Variants in BIRC6 observed in about 807,000 individuals in gnomAD.
The protein encoded by BIRC6 is dual E2 ubiquitin-conjugating enzyme/E3 ubiquitin-protein ligase BIRC6.
In BIRC6, 98 loss-of-function variants were observed where a neutral mutation model predicts 503.3. That is an observed-to-expected ratio of 0.19 (90% CI 0.17 to 0.23). The LOEUF is 0.23. BIRC6 is among the 10% of genes least tolerant of loss of function. BIRC6 has a pLI of 1.00. For missense variants in BIRC6, 5,360 were observed against 5,806.0 expected (o/e 0.92, Z 2.50); for synonymous variants, 2,240 against 2,078.7 (o/e 1.08, Z -2.11).
At chr2:32,544,454 T>G (rs1292487869) in intron 62 of BIRC6, among the ~76,000 whole-genome samples, 5 of 151,282 alleles carry the variant, frequency 3.3e-5, no homozygotes, top group Admixed American at 3.3e-4. Context: ...AGATTTTCAT[T>G]TGGGTGACGT....
chr2:32,489,428 A>ATAT (rs554993861), intron 42 of BIRC6, among the ~76,000 whole-genome samples: 1 of 151,744 alleles, frequency 6.6e-6, no homozygotes, highest in East Asian at 1.9e-4. Context: ...CTCTTCAACT[A>ATAT]TATTATTATT....
rs763313052 is a variant in BIRC6 at position 32,435,570 on chromosome 2, G to A, written c.3484G>A (p.Val1162Ile). ...GAATGAAGAAATGCAGCACATGGAT[G>A]TAGAGGAATCACAGTGTGAGTTAAA... is the stretch of plus-strand genomic sequence containing the variant. Reference protein sequence around the residue: ...DLNEEMQHMDVEESQCLRLCP... With the variant: ...DLNEEMQHMDIEESQCLRLCP... The change falls in exon 14 of 74, where the codon GTA (valine) becomes ATA (isoleucine). Residue 1162 changes from valine to isoleucine, a missense_variant. Physicochemically the swap from Val to Ile is conservative, Grantham distance 29 (BLOSUM62 3). Transcript: ENST00000421745. 7 of 1,553,560 alleles carry A rather than the reference G, an allele frequency of 4.5e-6. 1 individual carries two copies. In the South Asian group the frequency reaches 5.9e-5, roughly 13 times the overall value.
chr2:32,405,464 A>G (rs2041094328), intron 8 of BIRC6, among the ~76,000 whole-genome samples: 1 of 152,198 alleles, frequency 6.6e-6, no homozygotes, highest in Non-Finnish European at 1.5e-5. Context: ...GAGTGCAGTA[A>G]TATCCTTAAG....
At chr2:32,400,336 CTTTTTTTTTTTT>C (rs746431747) in intron 6 of BIRC6, among the ~76,000 whole-genome samples, 1 of 118,320 alleles carries the variant, frequency 8.5e-6, no homozygotes, top group African/African-American at 3.2e-5. Flanking sequence ...GCTTTCAGAT[CTTTTTTTTTTTT>C]TTTTTTTTGA....
intron 65 of BIRC6, among the ~76,000 whole-genome samples, chr2:32,571,691 A>C (rs2059927585): frequency 6.6e-6 from 1 of 151,430 alleles, no homozygotes; most frequent in African/African-American, 2.4e-5. Flanking sequence ...CTTTTCGAAA[A>C]CCAGCTTTTC....
intron 65 of BIRC6, among the ~76,000 whole-genome samples, chr2:32,559,098 C>G (rs2058980531): frequency 6.6e-6 from 1 of 152,164 alleles, no homozygotes; most frequent in South Asian, 2.1e-4. Context: ...TTTTATTCCT[C>G]TCCCTACTAC....
At chr2:32,579,237 T>G (rs1322280918) in intron 66 of BIRC6, among the ~76,000 whole-genome samples, 1 of 151,612 alleles carries the variant, frequency 6.6e-6, no homozygotes, top group East Asian at 1.9e-4. Context: ...AAAGGTCAAG[T>G]GTAAAGAGGA....
chr2:32,448,019 C>T (rs1332910934), intron 21 of BIRC6, among the ~76,000 whole-genome samples: 1 of 1,526 alleles, frequency 6.6e-4, no homozygotes, highest in Non-Finnish European at 1.9e-3. Flanking sequence ...CCAGACAGGG[C>T]GGCGGGGCAG....
intron 71 of BIRC6, among the ~76,000 whole-genome samples, chr2:32,606,447 G>A (rs2062459522): frequency 6.6e-6 from 1 of 151,724 alleles, no homozygotes; most frequent in African/African-American, 2.4e-5. Flanking sequence ...AAAAAAATTA[G>A]CCCTGCTTGG....
At chr2:32,596,252 G>T (rs2061666339) in intron 68 of BIRC6, among the ~76,000 whole-genome samples, 2 of 152,048 alleles carry the variant, frequency 1.3e-5, no homozygotes, top group Admixed American at 1.3e-4. Flanking sequence ...GGAGGCCGAG[G>T]TGGGCGGTCA....
intron 45 of BIRC6, 113 bp from the exon 46 acceptor site, chr2:32,499,434 T>C: frequency 2.2e-6 from 2 of 906,328 alleles, no homozygotes; most frequent in African/African-American, 1.7e-5. Flanking sequence ...TTTCTTGTAT[T>C]GTGATAAGTT....
chr2:32,497,337 G>A (rs1056714690), intron 45 of BIRC6, among the ~76,000 whole-genome samples: 2 of 152,188 alleles, frequency 1.3e-5, no homozygotes, highest in South Asian at 2.1e-4. Context: ...GTCAGTTAAT[G>A]TGCATTCTCA....
chr2:32,457,299 G>A (rs1049712382), intron 23 of BIRC6, among the ~76,000 whole-genome samples: 3 of 152,120 alleles, frequency 2.0e-5, no homozygotes, highest in African/African-American at 7.2e-5. Context: ...ATTTAATTCA[G>A]TTACATTTAA....
chr2:32,508,704 A>G (rs186104652), intron 51 of BIRC6, among the ~76,000 whole-genome samples: 1 of 152,270 alleles, frequency 6.6e-6, no homozygotes, highest in Admixed American at 6.5e-5. Context: ...CAAGGACCCA[A>G]ATATATTTTT....
Position 32,415,724 on chromosome 2 carries a change from A to G in BIRC6, c.2433A>G (p.Leu811=), listed in dbSNP as rs771969592. The G allele has an allele frequency of 4.3e-6, 7 of 1,613,788 alleles. No individual in the cohort carries two copies. Among genetic ancestry groups the G allele is most frequent in the Middle Eastern group, 1.6e-4 (1 of 6,084 alleles). ...CACCAGCAGATGTACAGACTCCTTTAATAATTCAGCCTGAGCAGAGGAATG... is the reference window on the plus strand; with the variant it reads ...CACCAGCAGATGTACAGACTCCTTTGATAATTCAGCCTGAGCAGAGGAATG... ...HESPADVQTP[L]IIQPEQRNVS... is the part of the protein sequence containing the mutation. Residue 811 remains leucine, a synonymous_variant, in exon 10 of 74, where the codon TTA becomes TTG. Transcript: ENST00000421745.
At chr2:32,363,791 A>G (rs2034469114) in intron 1 of BIRC6, among the ~76,000 whole-genome samples, 1 of 152,210 alleles carries the variant, frequency 6.6e-6, no homozygotes, top group African/African-American at 2.4e-5. Flanking sequence ...AACATGTTAA[A>G]AGTGCCTAAC....
At chr2:32,435,388 A>G in intron 13 of BIRC6, 108 bp from the exon 14 acceptor site, 1 of 1,231,320 alleles carries the variant, frequency 8.1e-7, no homozygotes, top group Admixed American at 3.6e-5. Flanking sequence ...GAAATTTTAG[A>G]TTTTTCAGGC....
intron 66 of BIRC6, among the ~76,000 whole-genome samples, chr2:32,587,343 C>T (rs1377165231): frequency 2.6e-5 from 4 of 152,058 alleles, no homozygotes; most frequent in Non-Finnish European, 5.9e-5. Context: ...GCCGAGATTT[C>T]GCCACTGCCC....
chr2:32,385,633 A>G (rs986637718), intron 3 of BIRC6, among the ~76,000 whole-genome samples: 1 of 152,180 alleles, frequency 6.6e-6, no homozygotes, highest in African/African-American at 2.4e-5. Flanking sequence ...TCCTTACAGC[A>G]TCATTATTTG....
Sources: gnomAD v4.1 joint callset for allele counts (sites outside exome capture counted in the v4.1 genomes callset) on GRCh38, gnomAD v4.1.1 for gene constraint, MANE v1.5 for transcripts, NCBI Gene and HGNC (gene_info 2026-07-23, HGNC 2026-07-21) for gene names.